Variants in MGLL observed in about 807,000 individuals in gnomAD.
MGLL encodes lysophospholipase homolog.
In MGLL, 7 loss-of-function variants were observed where a neutral mutation model predicts 29.1. The observed-to-expected ratio is 0.24, with a 90% CI of 0.14 to 0.45. The LOEUF (loss-of-function observed/expected upper bound fraction) is 0.45, where lower values mean the gene tolerates loss of function less well. MGLL is among the 20% of genes least tolerant of loss of function. The pLI, the probability that MGLL is intolerant of heterozygous loss-of-function variation, is 0.99. For missense variants in MGLL, 356 were observed against 413.6 expected (o/e 0.86, Z 1.21); for synonymous variants, 148 against 168.3 (o/e 0.88, Z 0.93).
chr3:127,707,657 A>C (rs2075628490), intron 6 of MGLL, among the ~76,000 whole-genome samples: 1 of 152,248 alleles, frequency 6.6e-6, no homozygotes, highest in Non-Finnish European at 1.5e-5. Flanking sequence ...GCTGGTAATA[A>C]GACTGACTTC....
intron 7 of MGLL, among the ~76,000 whole-genome samples, chr3:127,693,480 G>A (rs1194899964): frequency 6.6e-6 from 1 of 152,200 alleles, no homozygotes; most frequent in Non-Finnish European, 1.5e-5. Context: ...GTCCCTGACT[G>A]GTGCATCCTC....
At chr3:127,697,954 A>C (rs942549478) in intron 6 of MGLL, among the ~76,000 whole-genome samples, 8 of 152,120 alleles carry the variant, frequency 5.3e-5, no homozygotes, top group Non-Finnish European at 1.2e-4. Context: ...TCTTACAACC[A>C]CCTTCTTCCT....
chr3:127,723,695 T>C (rs912482823), intron 3 of MGLL, among the ~76,000 whole-genome samples: 13 of 152,244 alleles, frequency 8.5e-5, no homozygotes, highest in African/African-American at 3.1e-4. Flanking sequence ...ATCATATCCG[T>C]AACATAAATC....
chr3:127,767,607 G>A (rs2076880879), intron 3 of MGLL, among the ~76,000 whole-genome samples: 1 of 152,210 alleles, frequency 6.6e-6, no homozygotes, highest in African/African-American at 2.4e-5. Context: ...AGAAATTAGA[G>A]ACTATCAGAG....
At chr3:127,694,740 T>A (rs3773130) in intron 7 of MGLL, among the ~76,000 whole-genome samples, 6 of 152,340 alleles carry the variant, frequency 3.9e-5, no homozygotes, top group African/African-American at 1.4e-4. Flanking sequence ...TTGATTGTTC[T>A]TCTTCCCTTT....
chr3:127,754,215 A>G (rs2076614646), intron 3 of MGLL, among the ~76,000 whole-genome samples: 1 of 152,186 alleles, frequency 6.6e-6, no homozygotes, highest in African/African-American at 2.4e-5. Context: ...ACGACCCGCC[A>G]GGCACTGCCG....
chr3:127,771,830 C>G (rs527831547), intron 3 of MGLL, among the ~76,000 whole-genome samples: 2 of 152,112 alleles, frequency 1.3e-5, no homozygotes, highest in African/African-American at 2.4e-5. Flanking sequence ...GGTAACATAG[C>G]GTATGTTGAG....
intron 5 of MGLL, among the ~76,000 whole-genome samples, chr3:127,720,612 C>A (rs993657721): frequency 2.0e-5 from 3 of 152,162 alleles, no homozygotes; most frequent in Non-Finnish European, 4.4e-5. Context: ...CAAAAGTGCC[C>A]GGGGCGGAGG....
intron 6 of MGLL, among the ~76,000 whole-genome samples, chr3:127,708,044 A>G (rs2075637400): frequency 6.6e-6 from 1 of 152,090 alleles, no homozygotes; most frequent in African/African-American, 2.4e-5. Flanking sequence ...CCCATCCCCC[A>G]TAGTCCTGCT....
intron 2 of MGLL, chr3:127,791,184 G>A (rs988896970): frequency 1.3e-5 from 2 of 152,232 alleles, no homozygotes; most frequent in Non-Finnish European, 2.9e-5. Flanking sequence ...CAAATTCCCT[G>A]TGTGAGGAGC....
intron 6 of MGLL, among the ~76,000 whole-genome samples, chr3:127,705,361 G>A (rs544076365): frequency 1.1e-4 from 17 of 151,668 alleles, no homozygotes; most frequent in Non-Finnish European, 1.8e-4. Flanking sequence ...CACATCCTGC[G>A]TATGTATCCT....
chr3:127,772,340 C>T (rs2076963699), intron 3 of MGLL, among the ~76,000 whole-genome samples: 1 of 152,204 alleles, frequency 6.6e-6, no homozygotes, highest in African/African-American at 2.4e-5. Context: ...ACCCCACAGG[C>T]TGGTATTGTT....
chr3:127,702,641 C>T (rs764825144), intron 6 of MGLL, among the ~76,000 whole-genome samples: 26 of 152,166 alleles, frequency 1.7e-4, no homozygotes, highest in African/African-American at 2.2e-4. Flanking sequence ...GCATTCTTTC[C>T]GCCAAATTAC....
chr3:127,798,476 C>T (rs983128593), intron 2 of MGLL, among the ~76,000 whole-genome samples: 1 of 152,188 alleles, frequency 6.6e-6, no homozygotes, highest in African/African-American at 2.4e-5. Flanking sequence ...TGTGGAGCTG[C>T]CACTGGACTC....
intron 3 of MGLL, among the ~76,000 whole-genome samples, chr3:127,764,313 G>A (rs72626382): frequency 0.12 from 19,013 of 152,226 alleles, 1,223 homozygotes; most frequent in Middle Eastern, 0.17. Flanking sequence ...TCGTGCCAGA[G>A]AGAACGAGGC....
intron 3 of MGLL, among the ~76,000 whole-genome samples, chr3:127,776,190 C>T (rs2077033999): frequency 6.6e-6 from 1 of 152,188 alleles, no homozygotes; most frequent in Admixed American, 6.5e-5. Context: ...TTCCATCCTT[C>T]CAGGCCCCAG....
chr3:127,704,569 T>C (rs2075561985), intron 6 of MGLL, among the ~76,000 whole-genome samples: 1 of 151,972 alleles, frequency 6.6e-6, no homozygotes, highest in Non-Finnish European at 1.5e-5. Flanking sequence ...ACCCCATCAA[T>C]AATGGGCAAA....
chr3:127,821,947 A>T (rs1357598500), intron 1 of MGLL, 109 bp from the exon 2 acceptor site: 73 of 1,212,666 alleles, frequency 6.0e-5, no homozygotes, highest in Non-Finnish European at 5.4e-5. Flanking sequence ...AAAGCAGTTT[A>T]AAAAACCCCT....
intron 2 of MGLL, among the ~76,000 whole-genome samples, chr3:127,805,266 T>A (rs1297755064): frequency 6.6e-6 from 1 of 152,244 alleles, no homozygotes. Flanking sequence ...CGGATGGCGA[T>A]AAATGATCAG....
Sources: gnomAD v4.1 joint callset for allele counts (sites outside exome capture counted in the v4.1 genomes callset) on GRCh38, gnomAD v4.1.1 for gene constraint, MANE v1.5 for transcripts, NCBI Gene and HGNC (gene_info 2026-07-23, HGNC 2026-07-21) for gene names.